Variants in NTRK2 observed in about 807,000 individuals in gnomAD.
NTRK2 encodes BDNF/NT-3 growth factors receptor.
NTRK2 carries 13 observed loss-of-function variants against 94.5 expected under a neutral mutation model. That is an observed-to-expected ratio of 0.14 (90% CI 0.09 to 0.22). The LOEUF (loss-of-function observed/expected upper bound fraction) is 0.22. Ranked by LOEUF, NTRK2 falls within the 10% of genes least tolerant of loss-of-function variation. The probability of loss-of-function intolerance (pLI) is 1.00; values close to 1 mark genes in which losing one functional copy is unlikely to be tolerated. For missense variants in NTRK2, 639 were observed against 1,071.2 expected (o/e 0.60, Z 5.63); for synonymous variants, 372 against 407.4 (o/e 0.91, Z 1.05).
chr9:84,980,785 A>G lies in NTRK2; in HGVS notation c.2172+25268A>G, dbSNP rs1827488067. Among the ~76,000 whole-genome samples, 3 of 152,240 alleles carry G rather than the reference A, an allele frequency of 2.0e-5. No homozygotes were observed. In the South Asian group the frequency reaches 6.2e-4, roughly 31 times the overall value. On this transcript the variant is annotated intron_variant, in intron 17 of 18. Coordinates refer to ENST00000277120, the MANE Select transcript of NTRK2 (RefSeq NM_006180.6). ...GCATGCCAGGTTGGGCTTGGGTAGCATGTCCAAAATGGAGCGCGTAAGCTC... is the reference window on the plus strand; with the variant it reads ...GCATGCCAGGTTGGGCTTGGGTAGCGTGTCCAAAATGGAGCGCGTAAGCTC...
At chr9:84,919,470 G>A (rs759789799) in intron 14 of NTRK2, among the ~76,000 whole-genome samples, 12 of 152,308 alleles carry the variant, frequency 7.9e-5, no homozygotes, top group Middle Eastern at 3.4e-3. Flanking sequence ...CCAAGTTTAA[G>A]GCCTGGCTCT....
intron 12 of NTRK2, among the ~76,000 whole-genome samples, chr9:84,782,370 G>C (rs1161510407): frequency 6.6e-6 from 1 of 152,194 alleles, no homozygotes; most frequent in African/African-American, 2.4e-5. Context: ...GTATGAGGCT[G>C]TATCCCCTCT....
chr9:84,912,735 A>G (rs2077276940), intron 14 of NTRK2, among the ~76,000 whole-genome samples: 2 of 148,288 alleles, frequency 1.3e-5, no homozygotes, highest in African/African-American at 2.5e-5. Context: ...TTCTCCTGTC[A>G]GCCTCCCAAG....
At chr9:84,714,445 A>G (rs1270679961) in intron 6 of NTRK2, among the ~76,000 whole-genome samples, 1 of 152,082 alleles carries the variant, frequency 6.6e-6, no homozygotes, top group East Asian at 1.9e-4. Flanking sequence ...GTGCCTTCTC[A>G]CTTTCCAACT....
At chr9:84,910,325 G>A (rs1213625624) in intron 14 of NTRK2, among the ~76,000 whole-genome samples, 1 of 152,138 alleles carries the variant, frequency 6.6e-6, no homozygotes, top group African/African-American at 2.4e-5. Flanking sequence ...TACCTCAAAA[G>A]GCTGTAGGGG....
At chr9:84,710,899 G>A in intron 6 of NTRK2, 108 bp downstream of exon 6, 1 of 1,055,214 alleles carries the variant, frequency 9.5e-7, no homozygotes, top group Non-Finnish European at 1.4e-6. Context: ...ATAGTATTCT[G>A]TTGATGTCTC....
intron 8 of NTRK2, among the ~76,000 whole-genome samples, chr9:84,725,242 T>C (rs1190357850): frequency 6.6e-6 from 1 of 152,172 alleles, no homozygotes; most frequent in Non-Finnish European, 1.5e-5. Context: ...CACTCACTCA[T>C]AGCACACATT....
chr9:84,867,736 G>T (rs902787719), intron 14 of NTRK2, among the ~76,000 whole-genome samples: 1 of 152,206 alleles, frequency 6.6e-6, no homozygotes, highest in African/African-American at 2.4e-5. Context: ...AAGAGAGACA[G>T]AAACCAGAAG....
chr9:84,961,758 T>A (rs1339523246), intron 17 of NTRK2, among the ~76,000 whole-genome samples: 1 of 152,220 alleles, frequency 6.6e-6, no homozygotes, highest in African/African-American at 2.4e-5. Context: ...ATGTGATAAA[T>A]GCTGTAATGT....
chr9:84,942,665 T>C (rs934113425), intron 15 of NTRK2, among the ~76,000 whole-genome samples: 2 of 152,174 alleles, frequency 1.3e-5, no homozygotes, highest in African/African-American at 4.8e-5. Flanking sequence ...CGATATAGTT[T>C]ATTTAACTCA....
intron 14 of NTRK2, chr9:84,873,436 G>A: frequency 9.4e-7 from 1 of 1,059,616 alleles, no homozygotes; most frequent in Non-Finnish European, 1.1e-6. Context: ...TCTCGTGGGA[G>A]CCTTCATGGC....
intron 16 of NTRK2, among the ~76,000 whole-genome samples, 195 bp downstream of exon 16, chr9:84,948,829 T>C (rs9632933): frequency 0.019 from 2,964 of 152,276 alleles, 100 homozygotes; most frequent in African/African-American, 0.068. Flanking sequence ...CTTAATGAAT[T>C]CTATGTAATG....
In NTRK2 at chr9:84,971,868, A is replaced by G. The variant is rs1162163648; in HGVS notation, c.2172+16351A>G. 2.0e-5 allele frequency among the ~76,000 whole-genome samples: 3 copies of G among 152,184 alleles called. 1 individual carries two copies. The highest frequency in any genetic ancestry group is 7.2e-5 in the African/African-American group (3 of 41,450). On this transcript the variant is annotated intron_variant, in intron 17 of 18. Transcript: ENST00000277120. ...TGCAGGACCTGGAGGTGGATTGGGT[A>G]TGGAAAGGGAAAAGAAGAGGAAGAT...
intron 12 of NTRK2, among the ~76,000 whole-genome samples, chr9:84,789,346 G>T (rs998234508): frequency 6.6e-6 from 1 of 152,292 alleles, no homozygotes; most frequent in Non-Finnish European, 1.5e-5. Context: ...TGAATTAATT[G>T]TATCTGCTCC....
At chr9:84,978,548 A>G (rs1402318588) in intron 17 of NTRK2, among the ~76,000 whole-genome samples, 2 of 152,214 alleles carry the variant, frequency 1.3e-5, no homozygotes, top group African/African-American at 4.8e-5. Context: ...TCCATAATAT[A>G]AAAGTGCAAG....
At chr9:84,893,070 A>G (rs1268550887) in intron 14 of NTRK2, among the ~76,000 whole-genome samples, 1 of 151,596 alleles carries the variant, frequency 6.6e-6, no homozygotes, top group East Asian at 1.9e-4. Context: ...CCTTACATGT[A>G]CTATTCTATG....
At position 84,961,592 on chromosome 9, in the gene NTRK2, G is replaced by A. The variant is rs796346652; in HGVS notation, c.2172+6075G>A. ...ATATGCTTTGGAGTTGCCACAGGGT[G>A]AGCGTGAGAGTCCTCTCATTCATTC... On this transcript the variant is annotated intron_variant, in intron 17 of 18. Coordinates refer to ENST00000277120, the MANE Select transcript of NTRK2 (RefSeq NM_006180.6). Among the ~76,000 whole-genome samples, 7 of 152,306 alleles carry A rather than the reference G, an allele frequency of 4.6e-5. 1 individual carries two copies. Among genetic ancestry groups the A allele is most frequent in the African/African-American group, 1.4e-4 (6 of 41,572 alleles).
At chr9:84,755,828 T>G (rs1487064664) in intron 12 of NTRK2, among the ~76,000 whole-genome samples, 1 of 152,132 alleles carries the variant, frequency 6.6e-6, no homozygotes, top group Non-Finnish European at 1.5e-5. Flanking sequence ...AATTTATGTT[T>G]TATTCTTGCT....
intron 12 of NTRK2, among the ~76,000 whole-genome samples, chr9:84,804,049 G>T (rs1187275): frequency 0.83 from 125,658 of 152,100 alleles, 52,002 homozygotes; most frequent in East Asian, 0.91. Flanking sequence ...ATGTTAAAGA[G>T]CTCCAAACTC....
Sources: gnomAD v4.1 joint callset for allele counts (sites outside exome capture counted in the v4.1 genomes callset) on GRCh38, gnomAD v4.1.1 for gene constraint, MANE v1.5 for transcripts, NCBI Gene and HGNC (gene_info 2026-07-23, HGNC 2026-07-21) for gene names.